The following TMTC2 variants were observed in gnomAD, a reference collection of about 807,000 sequenced individuals.
TMTC2 encodes protein O-mannosyl-transferase TMTC2.
A neutral mutation model predicts 82.4 loss-of-function variants in TMTC2; 43 were observed. The ratio of observed to expected loss-of-function variants is 0.52; its 90% CI spans 0.41 to 0.67. TMTC2 has a LOEUF of 0.67. Ranked by LOEUF, TMTC2 falls within the 30% of genes least tolerant of loss-of-function variation. The pLI, the probability that TMTC2 is intolerant of heterozygous loss-of-function variation, is 0.00. For missense variants in TMTC2, 919 were observed against 1,012.4 expected (o/e 0.91, Z 1.25); for synonymous variants, 408 against 381.9 (o/e 1.07, Z -0.80).
At chr12:82,716,485 TC>T (rs1873905749) in intron 1 of TMTC2, among the ~76,000 whole-genome samples, 1 of 151,004 alleles carries the variant, frequency 6.6e-6, no homozygotes, top group Non-Finnish European at 1.5e-5. Flanking sequence ...TGCCTCAGCC[TC>T]CCGTGTAGCT....
intron 4 of TMTC2, among the ~76,000 whole-genome samples, chr12:82,938,142 G>C (rs903846694): frequency 1.3e-5 from 2 of 151,788 alleles, no homozygotes; most frequent in African/African-American, 2.4e-5. Context: ...TCGAACTCCT[G>C]ACCTGAGGTG....
chr12:82,689,596 A>G (rs1872490055), intron 1 of TMTC2, among the ~76,000 whole-genome samples: 1 of 152,198 alleles, frequency 6.6e-6, no homozygotes, highest in African/African-American at 2.4e-5. Context: ...TTAAATTTGG[A>G]TATGCATTTT....
chr12:82,704,744 G>A (rs1427233277), intron 1 of TMTC2, among the ~76,000 whole-genome samples: 2 of 151,460 alleles, frequency 1.3e-5, no homozygotes, highest in Non-Finnish European at 2.9e-5. Flanking sequence ...TAATTTATTG[G>A]CACCCTTTAC....
intron 11 of TMTC2, among the ~76,000 whole-genome samples, chr12:83,070,448 C>T (rs1447998571): frequency 2.0e-5 from 3 of 149,776 alleles, no homozygotes; most frequent in African/African-American, 7.4e-5. Flanking sequence ...TTTTTTTTTG[C>T]AGCTATTGTA....
At chr12:83,110,068 G>A (rs1482173521) in intron 11 of TMTC2, among the ~76,000 whole-genome samples, 2 of 152,060 alleles carry the variant, frequency 1.3e-5, no homozygotes, top group Non-Finnish European at 2.9e-5. Context: ...CTCAGCTGAC[G>A]ACCTTGCTTT....
chr12:83,098,781 T>C (rs1401398309), intron 11 of TMTC2, among the ~76,000 whole-genome samples: 2 of 152,142 alleles, frequency 1.3e-5, no homozygotes, highest in Admixed American at 6.6e-5. Context: ...TTGCCATCCA[T>C]GCTGAGTGCA....
At chr12:82,881,462 C>A (rs1287831464) in intron 2 of TMTC2, among the ~76,000 whole-genome samples, 1 of 152,170 alleles carries the variant, frequency 6.6e-6, no homozygotes, top group East Asian at 1.9e-4. Context: ...TACAATTACA[C>A]AAAGATTTCA....
intron 2 of TMTC2, among the ~76,000 whole-genome samples, chr12:82,862,135 A>G (rs1871585159): frequency 6.6e-6 from 1 of 152,204 alleles, no homozygotes; most frequent in Non-Finnish European, 1.5e-5. Context: ...ACTTAGTTTT[A>G]TGTGGTCAAA....
At position 83,131,718 on chromosome 12, in the gene TMTC2, G is replaced by A. The variant is rs190184102; in HGVS notation, c.2332-492G>A. Among the ~76,000 whole-genome samples the A allele has an allele frequency of 1.6e-3, 245 of 152,234 alleles. 1 individual carries two copies. The highest frequency in any genetic ancestry group is 5.3e-3 in the African/African-American group (222 of 41,554). The stretch of plus-strand genomic sequence containing the variant: ...TCAGGATTTTTACCCAAAAACATCC[G>A]TAAAATTTCATAGTTTATTTTAATT... On this transcript the variant is annotated intron_variant, in intron 11 of 11. Coordinates refer to ENST00000321196, the MANE Select transcript of TMTC2 (RefSeq NM_152588.3).
At chr12:82,963,450 C>G (rs973769664) in intron 4 of TMTC2, among the ~76,000 whole-genome samples, 2 of 151,360 alleles carry the variant, frequency 1.3e-5, no homozygotes, top group Non-Finnish European at 2.9e-5. Context: ...GGAGATGCAC[C>G]TCTTTATCTG....
chr12:82,946,167 T>A, intron 4 of TMTC2, among the ~76,000 whole-genome samples: 1 of 150,032 alleles, frequency 6.7e-6, no homozygotes, highest in Non-Finnish European at 1.5e-5. Context: ...GTGAACTATA[T>A]AATTTACTAC....
intron 1 of TMTC2, among the ~76,000 whole-genome samples, chr12:82,695,472 C>T (rs1050191817): frequency 6.6e-6 from 1 of 152,078 alleles, no homozygotes; most frequent in Non-Finnish European, 1.5e-5. Flanking sequence ...ATTGTAAACC[C>T]AAAATTACAA....
Position 82,936,444 on chromosome 12 carries a change from A to G in TMTC2, c.1598+5899A>G, listed in dbSNP as rs142228974. ...AAAGCAAATAAACAAGAACCATACA[A>G]CCCACAAAAGGCCAGTTACACAACA... On this transcript the variant is annotated intron_variant, in intron 4 of 11. Coordinates refer to ENST00000321196, the MANE Select transcript of TMTC2 (RefSeq NM_152588.3). Among the ~76,000 whole-genome samples the G allele has an allele frequency of 3.9e-5, 6 of 152,236 alleles. No homozygotes were observed. The East Asian group carries it at 1.2e-3, about 29-fold the overall frequency.
At chr12:82,761,822 C>T (rs545266598) in intron 1 of TMTC2, among the ~76,000 whole-genome samples, 134 of 152,210 alleles carry the variant, frequency 8.8e-4, no homozygotes, top group African/African-American at 3.0e-3. Context: ...TTCTTACAGC[C>T]GCTTAGCTAT....
chr12:82,728,051 C>T lies in TMTC2; in HGVS notation c.83+40382C>T, dbSNP rs1874553858. 2.0e-5 allele frequency among the ~76,000 whole-genome samples: 3 copies of T among 152,146 alleles called. No homozygotes were observed. In the South Asian group the frequency reaches 6.2e-4, roughly 31 times the overall value. ...CTGAATATGCAGTCTTCCTCTCTTA[C>T]ACTGTTCTTCCTGTGGTACCAGGCA... is the stretch of plus-strand genomic sequence containing the variant. On this transcript the variant is annotated intron_variant, in intron 1 of 11. Transcript: ENST00000321196.
intron 11 of TMTC2, among the ~76,000 whole-genome samples, chr12:83,112,262 C>A (rs1044017105): frequency 1.3e-5 from 2 of 152,136 alleles, no homozygotes; most frequent in Non-Finnish European, 2.9e-5. Flanking sequence ...TTCCTCTCCC[C>A]TCCCTCGTGG....
intron 11 of TMTC2, among the ~76,000 whole-genome samples, chr12:83,111,053 C>T (rs1419653704): frequency 1.3e-5 from 2 of 152,236 alleles, no homozygotes; most frequent in African/African-American, 4.8e-5. Context: ...TATAAACCAA[C>T]TTCCACTGCT....
chr12:82,899,623 T>A (rs1034468773), intron 3 of TMTC2, among the ~76,000 whole-genome samples: 2 of 133,556 alleles, frequency 1.5e-5, no homozygotes, highest in African/African-American at 6.5e-5. Context: ...TATATAAGAA[T>A]ATATATATGT....
At chr12:82,718,745 GTTTTAC>G (rs1874019202) in intron 1 of TMTC2, among the ~76,000 whole-genome samples, 1 of 152,048 alleles carries the variant, frequency 6.6e-6, no homozygotes, top group Non-Finnish European at 1.5e-5. Flanking sequence ...TTTCTGATAT[GTTTTAC>G]TTTTATGTTT....
Sources: gnomAD v4.1 joint callset for allele counts (sites outside exome capture counted in the v4.1 genomes callset) on GRCh38, gnomAD v4.1.1 for gene constraint, MANE v1.5 for transcripts, NCBI Gene and HGNC (gene_info 2026-07-23, HGNC 2026-07-21) for gene names.